Variants in PLEKHD1 observed in about 807,000 individuals in gnomAD.
The protein encoded by PLEKHD1 is pleckstrin homology domain-containing family D member 1.
In PLEKHD1, 51 loss-of-function variants were observed where a neutral mutation model predicts 69.2. That is an observed-to-expected ratio of 0.74 (90% CI 0.59 to 0.93). The LOEUF is 0.93. Ranked by LOEUF, PLEKHD1 falls within the 40% of genes least tolerant of loss-of-function variation. The probability of loss-of-function intolerance (pLI) is 0.00; values close to 1 mark genes in which losing one functional copy is unlikely to be tolerated. For missense variants in PLEKHD1, 584 were observed against 641.0 expected (o/e 0.91, Z 0.96); for synonymous variants, 236 against 244.7 (o/e 0.96, Z 0.33).
intron 6 of PLEKHD1, among the ~76,000 whole-genome samples, chr14:69,522,061 A>G (rs1883527339): frequency 6.6e-6 from 1 of 152,184 alleles, no homozygotes; most frequent in African/African-American, 2.4e-5. Context: ...AGCATGCAAA[A>G]TGTGTTTTCA....
intron 6 of PLEKHD1, among the ~76,000 whole-genome samples, chr14:69,511,442 G>C (rs1295737131): frequency 6.6e-6 from 1 of 151,154 alleles, no homozygotes; most frequent in African/African-American, 2.4e-5. Flanking sequence ...ACAGGCATGA[G>C]CCACCTCACA....
the PLEKHD1 span, among the ~76,000 whole-genome samples, chr14:69,478,292 C>A: frequency 6.6e-6 from 1 of 152,206 alleles, no homozygotes; most frequent in South Asian, 2.1e-4. Context: ...CCCATGAAAC[C>A]ACTTTTTCCT....
chr14:69,481,455 T>A (rs766570538), upstream of PLEKHD1, among the ~76,000 whole-genome samples: 11 of 152,262 alleles, frequency 7.2e-5, no homozygotes, highest in Admixed American at 2.0e-4. Context: ...TTGAGAAAAA[T>A]TCCTGAAAAG....
At chr14:69,498,010 G>T (rs546788114) in intron 1 of PLEKHD1, among the ~76,000 whole-genome samples, 1 of 149,948 alleles carries the variant, frequency 6.7e-6, no homozygotes, top group South Asian at 2.1e-4. Context: ...AACATAGCAA[G>T]ACCCTGTTTC....
At chr14:69,468,440 CTG>C in the PLEKHD1 span, among the ~76,000 whole-genome samples, 1 of 152,160 alleles carries the variant, frequency 6.6e-6, no homozygotes, top group African/African-American at 2.4e-5. Context: ...CAAATTTCAA[CTG>C]TAATTATCTC....
intron 1 of PLEKHD1, among the ~76,000 whole-genome samples, chr14:69,493,411 T>G (rs1328123522): frequency 6.6e-6 from 1 of 152,200 alleles, no homozygotes; most frequent in Non-Finnish European, 1.5e-5. Flanking sequence ...TGCCTCAGTT[T>G]CCTCTCTAGT....
At chr14:69,502,711 C>T (rs1566559015) in intron 5 of PLEKHD1, 116 bp from the exon 6 acceptor site, 8 of 1,359,302 alleles carry the variant, frequency 5.9e-6, no homozygotes, top group Non-Finnish European at 7.1e-6. Context: ...GCTGCAGGCC[C>T]CTTCCTTGGG....
intron 2 of PLEKHD1, 132 bp from the exon 3 acceptor site, chr14:69,500,445 G>A (rs1882997507): frequency 1.3e-6 from 1 of 757,804 alleles, no homozygotes; most frequent in South Asian, 1.8e-5. Flanking sequence ...TCTGGCCTCT[G>A]TCCCATGGCC....
chr14:69,476,011 G>A, the PLEKHD1 span, among the ~76,000 whole-genome samples: 9 of 152,090 alleles, frequency 5.9e-5, no homozygotes, highest in South Asian at 8.3e-4. Context: ...TAATCCCAGC[G>A]TTTTGGGGAG....
At chr14:69,487,606 C>T (rs1882683325) in intron 1 of PLEKHD1, among the ~76,000 whole-genome samples, 1 of 152,364 alleles carries the variant, frequency 6.6e-6, no homozygotes, top group East Asian at 1.9e-4. Flanking sequence ...CCAGCTTCCA[C>T]CGCCCAAGCA....
intron 6 of PLEKHD1, among the ~76,000 whole-genome samples, chr14:69,504,469 G>A (rs1883108513): frequency 7.2e-6 from 1 of 138,168 alleles, no homozygotes; most frequent in Admixed American, 7.6e-5. Context: ...AAAGCATCAT[G>A]TCCCCTTTGC....
At chr14:69,521,909 A>G (rs533793613) in intron 6 of PLEKHD1, among the ~76,000 whole-genome samples, 1 of 151,564 alleles carries the variant, frequency 6.6e-6, no homozygotes, top group Non-Finnish European at 1.5e-5. Context: ...CACACTCACC[A>G]CTCTTTCCTC....
intron 6 of PLEKHD1, among the ~76,000 whole-genome samples, chr14:69,509,074 A>T (rs956148107): frequency 6.6e-6 from 1 of 152,194 alleles, no homozygotes; most frequent in African/African-American, 2.4e-5. Flanking sequence ...TCTGTTGCCC[A>T]GGCTGGTCTT....
chr14:69,489,310 GCACTT>G (rs1384506988), intron 1 of PLEKHD1, among the ~76,000 whole-genome samples: 1 of 152,154 alleles, frequency 6.6e-6, no homozygotes, highest in Non-Finnish European at 1.5e-5. Context: ...GGTAATTCCA[GCACTT>G]TGGGAGTCCA....
intron 6 of PLEKHD1, among the ~76,000 whole-genome samples, chr14:69,521,803 G>C (rs1349835666): frequency 1.3e-5 from 2 of 152,108 alleles, no homozygotes; most frequent in African/African-American, 4.8e-5. Context: ...GATACCTCAA[G>C]AAAAATAGAG....
intron 1 of PLEKHD1, among the ~76,000 whole-genome samples, chr14:69,496,331 A>G (rs528974867): frequency 2.0e-5 from 3 of 152,334 alleles, no homozygotes; most frequent in Non-Finnish European, 2.9e-5. Context: ...TTGGGCTACT[A>G]TAACAAAATG....
intron 1 of PLEKHD1, among the ~76,000 whole-genome samples, chr14:69,493,543 A>G (rs925802346): frequency 5.9e-5 from 9 of 152,252 alleles, no homozygotes; most frequent in African/African-American, 2.2e-4. Context: ...GTGATCTGGG[A>G]CATATTATTT....
At chr14:69,516,836 T>C (rs1270166845) in intron 6 of PLEKHD1, among the ~76,000 whole-genome samples, 1 of 151,964 alleles carries the variant, frequency 6.6e-6, no homozygotes, top group Non-Finnish European at 1.5e-5. Context: ...TGTCCAGCTA[T>C]TTTTTTGTAT....
intron 6 of PLEKHD1, among the ~76,000 whole-genome samples, chr14:69,514,237 G>A (rs1012666371): frequency 1.0e-4 from 15 of 149,974 alleles, no homozygotes; most frequent in African/African-American, 2.9e-4. Context: ...ACAGTTCTTC[G>A]ATATTCTGCT....
Sources: allele counts gnomAD v4.1 joint callset (sites outside exome capture counted in the v4.1 genomes callset), GRCh38; gene constraint gnomAD v4.1.1; transcripts MANE v1.5; gene names NCBI Gene and HGNC (gene_info 2026-07-23, HGNC 2026-07-21).